Variants in SEC24B observed in about 807,000 individuals in gnomAD.
SEC24B encodes the protein protein transport protein Sec24B.
SEC24B carries 45 observed loss-of-function variants against 142.8 expected under a neutral mutation model. That is an observed-to-expected ratio of 0.32 (90% confidence interval 0.25 to 0.40). The LOEUF (loss-of-function observed/expected upper bound fraction) is 0.40. SEC24B is among the 10% of genes least tolerant of loss of function. The pLI, the probability that SEC24B is intolerant of heterozygous loss-of-function variation, is 1.00. For missense variants in SEC24B, 1,409 were observed against 1,526.8 expected (o/e 0.92, Z 1.29); for synonymous variants, 574 against 568.2 (o/e 1.01, Z -0.15).
At chr4:109,471,123 G>A (rs905038954) in intron 2 of SEC24B, among the ~76,000 whole-genome samples, 4 of 151,872 alleles carry the variant, frequency 2.6e-5, no homozygotes, top group African/African-American at 4.8e-5. Flanking sequence ...ATACATGTAC[G>A]TACACATATA....
chr4:109,442,069 T>G (rs1728978578), intron 1 of SEC24B, among the ~76,000 whole-genome samples: 1 of 152,300 alleles, frequency 6.6e-6, no homozygotes, highest in Non-Finnish European at 1.5e-5. Flanking sequence ...GCCTATTGCC[T>G]TAGGGGTGTG....
At chr4:109,539,118 C>T (rs574130427) in intron 23 of SEC24B, among the ~76,000 whole-genome samples, 13 of 152,050 alleles carry the variant, frequency 8.5e-5, no homozygotes, top group East Asian at 1.9e-4. Flanking sequence ...CCCACCACCA[C>T]GCCCAGCTAA....
At chr4:109,479,858 G>A (rs1240208351) in intron 3 of SEC24B, among the ~76,000 whole-genome samples, 2 of 150,536 alleles carry the variant, frequency 1.3e-5, no homozygotes, top group Non-Finnish European at 2.9e-5. Context: ...ATGAAGTGCT[G>A]GGATTATAGA....
At chr4:109,535,307 A>T (rs1725397533) in intron 22 of SEC24B, among the ~76,000 whole-genome samples, 1 of 152,152 alleles carries the variant, frequency 6.6e-6, no homozygotes, top group Non-Finnish European at 1.5e-5. Context: ...TAATCCCAGC[A>T]CTTTGGGAAG....
rs763453909 is a variant in SEC24B at position 109,539,794 on chromosome 4, A to G, written c.*119A>G. The G allele has an allele frequency of 1.2e-4, 77 of 654,186 alleles. 1 individual carries two copies. Among genetic ancestry groups the G allele is most frequent in the Admixed American group, 2.8e-4 (10 of 35,378 alleles). The allele number at this position is 654,186 out of a possible 1,614,324, so 40.5% of individuals were successfully genotyped here. ...GTTAATACAAGATGCAACGCACAGC[A>G]CTCTGTCTGAGGCTTTGGTAAAAAG... is the stretch of plus-strand genomic sequence containing the variant. On this transcript the variant is annotated 3_prime_UTR_variant, in exon 24 of 24. Coordinates refer to ENST00000265175, the MANE Select transcript of SEC24B (RefSeq NM_006323.5).
At chr4:109,521,879 GCAC>G (rs1723656574) in intron 14 of SEC24B, among the ~76,000 whole-genome samples, 1 of 151,340 alleles carries the variant, frequency 6.6e-6, no homozygotes, top group Non-Finnish European at 1.5e-5. Flanking sequence ...TTACAGGCGT[GCAC>G]CACCACACCC....
intron 1 of SEC24B, among the ~76,000 whole-genome samples, chr4:109,452,034 A>G (rs1438807690): frequency 2.0e-5 from 3 of 151,938 alleles, no homozygotes; most frequent in Middle Eastern, 3.4e-3. Flanking sequence ...TCATGTATCT[A>G]TTATGCCACT....
intron 2 of SEC24B, among the ~76,000 whole-genome samples, chr4:109,467,273 C>CCGAGAT (rs1468868207): frequency 4.0e-5 from 6 of 148,834 alleles, no homozygotes; most frequent in African/African-American, 1.5e-4. Flanking sequence ...TTGCAGTGAG[C>CCGAGAT]CGAGATCGCG....
At chr4:109,487,047 C>G (rs1734432574) in intron 4 of SEC24B, among the ~76,000 whole-genome samples, 2 of 151,710 alleles carry the variant, frequency 1.3e-5, no homozygotes, top group Non-Finnish European at 2.9e-5. Context: ...CGTCTGTAAT[C>G]CCAGCTGCTT....
chr4:109,535,732 G>T (rs956597493), intron 22 of SEC24B, among the ~76,000 whole-genome samples: 11 of 152,016 alleles, frequency 7.2e-5, no homozygotes, highest in Non-Finnish European at 1.6e-4. Flanking sequence ...GGCGCCTGTA[G>T]TCCCAGCTCT....
chr4:109,484,152 T>A (rs966160328), intron 4 of SEC24B, among the ~76,000 whole-genome samples: 1 of 152,238 alleles, frequency 6.6e-6, no homozygotes, highest in Non-Finnish European at 1.5e-5. Flanking sequence ...TGCGTTGAAT[T>A]TAGTTGTCAT....
At chr4:109,449,188 C>CTATATTGAAACA (rs775103228) in intron 1 of SEC24B, among the ~76,000 whole-genome samples, 61 of 152,210 alleles carry the variant, frequency 4.0e-4, no homozygotes, top group Non-Finnish European at 7.1e-4. Context: ...AGCTAGGTTG[C>CTATATTGAAACA]TATATTGAAA....
chr4:109,489,613 T>G lies in SEC24B; in HGVS notation c.1166-1714T>G, dbSNP rs376420650. Among the ~76,000 whole-genome samples, 21 of 135,684 alleles carry G rather than the reference T, an allele frequency of 1.5e-4. 1 individual carries two copies. The highest frequency in any genetic ancestry group is 6.0e-4 in the African/African-American group (20 of 33,126). The allele number at this position is 135,684 out of a possible 152,430, so 89.0% of individuals were successfully genotyped here. A position where few individuals can be genotyped will look rare whatever the true frequency, so the allele number is the denominator to read the frequency against. The stretch of plus-strand genomic sequence containing the variant: ...TTCATATAAATAGAATTATATATAT[T>G]ATATATTATAATATATATGGTATAT... On this transcript the variant is annotated intron_variant, in intron 4 of 23. Coordinates refer to ENST00000265175, the MANE Select transcript of SEC24B (RefSeq NM_006323.5).
intron 5 of SEC24B, 56 bp downstream of exon 5, chr4:109,491,463 G>A (rs111569393): frequency 0.034 from 44,568 of 1,319,624 alleles, 984 homozygotes; most frequent in Non-Finnish European, 0.041. Flanking sequence ...ACCATCAGTT[G>A]CCTTCAAATG....
In SEC24B at chr4:109,446,080, A is replaced by G. The variant is rs555780294; in HGVS notation, c.133+12078A>G. Among the ~76,000 whole-genome samples, 7 of 152,122 alleles carry G rather than the reference A, an allele frequency of 4.6e-5. 1 individual carries two copies. In the South Asian group the frequency reaches 1.5e-3, roughly 32 times the overall value. ...GAAATCATAATATAGTTGTGTGAGA[A>G]TCTGCCATTGATACCTGATGTGGTA... On this transcript the variant is annotated intron_variant, in intron 1 of 23. Transcript: ENST00000265175.
intron 22 of SEC24B, among the ~76,000 whole-genome samples, chr4:109,534,758 G>A (rs556343727): frequency 1.1e-4 from 17 of 152,158 alleles, no homozygotes; most frequent in African/African-American, 4.1e-4. Context: ...GACTGAAAAC[G>A]GGCTAACTTC....
intron 13 of SEC24B, 97 bp downstream of exon 13, chr4:109,521,269 A>G: frequency 3.0e-6 from 3 of 984,290 alleles, no homozygotes; most frequent in Non-Finnish European, 4.6e-6. Flanking sequence ...TTAGTATTAC[A>G]AATAATAGAC....
intron 22 of SEC24B, 90 bp downstream of exon 22, chr4:109,533,775 T>A (rs1725188172): frequency 1.2e-6 from 1 of 841,820 alleles, no homozygotes; most frequent in Non-Finnish European, 2.0e-6. Flanking sequence ...TTTTAAAATG[T>A]ACAATTCAGT....
rs1367506721 is a variant in SEC24B, at chr4:109,539,582, A to C, written c.3714A>C (p.Ala1238=). The C allele has an allele frequency of 6.2e-7, 1 of 1,613,380 alleles. No individual in the cohort carries two copies. The highest frequency in any genetic ancestry group is 1.7e-5 in the Admixed American group (1 of 59,968). The change falls in exon 24 of 24, where the codon GCA becomes GCC. Residue 1238 remains alanine, a synonymous_variant. Transcript: ENST00000265175. ...CCAGAGATGAGAGTCCTGCCAAAGC[A>C]GAATTTTTTCAGCATTTGATTGAAG... ...HIVKDESPAK[A]EFFQHLIEDR... is the part of the protein sequence containing the mutation.
Sources: allele counts gnomAD v4.1 joint callset (sites outside exome capture counted in the v4.1 genomes callset), GRCh38; gene constraint gnomAD v4.1.1; transcripts MANE v1.5; gene names NCBI Gene and HGNC (gene_info 2026-07-23, HGNC 2026-07-21).